Variants in LRRN1 observed in about 807,000 individuals in gnomAD.
The protein encoded by LRRN1 is leucine rich repeat neuronal 1.
A neutral mutation model predicts 45.8 loss-of-function variants in LRRN1; 14 were observed. That is an observed-to-expected ratio of 0.31 (90% CI 0.20 to 0.48). LRRN1 has a LOEUF of 0.48. LRRN1 is among the 20% of genes least tolerant of loss of function. The pLI, the probability that LRRN1 is intolerant of heterozygous loss-of-function variation, is 0.99. For missense variants in LRRN1, 789 were observed against 874.2 expected (o/e 0.90, Z 1.23); for synonymous variants, 359 against 330.1 (o/e 1.09, Z -0.95).
At chr3:3,839,318 G>T (rs1693594791) in intron 1 of LRRN1, among the ~76,000 whole-genome samples, 1 of 152,072 alleles carries the variant, frequency 6.6e-6, no homozygotes. Flanking sequence ...TGTATAGAAG[G>T]CTTTATTTCT....
At chr3:3,818,815 A>G (rs931643200) in intron 1 of LRRN1, among the ~76,000 whole-genome samples, 6 of 152,152 alleles carry the variant, frequency 3.9e-5, no homozygotes, top group Non-Finnish European at 7.4e-5. Flanking sequence ...CTGTCTCCCT[A>G]TCTGTAGGAT....
intron 1 of LRRN1, among the ~76,000 whole-genome samples, chr3:3,843,572 C>CA (rs374658813): frequency 6.6e-5 from 10 of 151,316 alleles, no homozygotes; most frequent in African/African-American, 1.5e-4. Context: ...CCACTGTACC[C>CA]CCCCCCATAC....
chr3:3,802,047 G>A (rs1358433417), intron 1 of LRRN1, among the ~76,000 whole-genome samples: 1 of 152,212 alleles, frequency 6.6e-6, no homozygotes, highest in Non-Finnish European at 1.5e-5. Context: ...AATGTCCACT[G>A]TCTAGCCAAA....
chr3:3,815,690 A>G (rs1008020725), intron 1 of LRRN1, among the ~76,000 whole-genome samples: 4 of 152,194 alleles, frequency 2.6e-5, no homozygotes, highest in African/African-American at 9.6e-5. Context: ...TTTTCAAACC[A>G]TGTCTTCATT....
rs946253601 is a variant in LRRN1 at position 3,816,635 on chromosome 3, T to C, written c.-279+16716T>C. Among the ~76,000 whole-genome samples the C allele has an allele frequency of 2.6e-5, 4 of 152,120 alleles. No individual in the cohort carries two copies. The highest frequency in any genetic ancestry group is 7.2e-5 in the African/African-American group (3 of 41,424). ...ACCACCCTTATTAAAGGCAAAAATATAGGTATTACAATTTGAAACTATAAA... is the reference window on the plus strand; with the variant it reads ...ACCACCCTTATTAAAGGCAAAAATACAGGTATTACAATTTGAAACTATAAA... On this transcript the variant is annotated intron_variant, in intron 1 of 1. Transcript: ENST00000319331. This position sits in a 1 kb window ranked among gnomAD's most constrained non-coding sequence, Gnocchi z 4.0.
Position 3,849,146 on chromosome 3 carries a change from T to G in LRRN1, c.*2354T>G, listed in dbSNP as rs1363269122. On this transcript the variant is annotated 3_prime_UTR_variant, in exon 2 of 2. Coordinates refer to ENST00000319331, the MANE Select transcript of LRRN1 (RefSeq NM_020873.7). ...CCTCAGCAGCCTGCAATTGCAAATC[T>G]GCGAGGTTTCATTCGGCCCATAAAG... Among the ~76,000 whole-genome samples, 2 of 152,192 alleles carry G rather than the reference T, an allele frequency of 1.3e-5. No homozygotes were observed. Among genetic ancestry groups the G allele is most frequent in the Non-Finnish European group, 2.9e-5 (2 of 68,030 alleles).
intron 1 of LRRN1, among the ~76,000 whole-genome samples, chr3:3,828,458 G>T (rs1302641893): frequency 1.3e-5 from 2 of 151,806 alleles, no homozygotes; most frequent in Non-Finnish European, 2.9e-5. Flanking sequence ...CCTTCCCACT[G>T]ACTCAAATGG....
intron 1 of LRRN1, among the ~76,000 whole-genome samples, chr3:3,839,826 TTTTG>T (rs1693608431): frequency 6.6e-6 from 1 of 152,172 alleles, no homozygotes; most frequent in Non-Finnish European, 1.5e-5. Flanking sequence ...TGTGTGTTGA[TTTTG>T]TATCCTGCAA....
intron 1 of LRRN1, among the ~76,000 whole-genome samples, chr3:3,800,229 G>C (rs1388321668): frequency 6.6e-6 from 1 of 151,970 alleles, no homozygotes; most frequent in Non-Finnish European, 1.5e-5. Flanking sequence ...CCGGAGCCGA[G>C]CCTGCTGGAT....
intron 1 of LRRN1, among the ~76,000 whole-genome samples, chr3:3,808,435 TAATA>T (rs1383432676): frequency 1.3e-5 from 2 of 152,224 alleles, no homozygotes; most frequent in Non-Finnish European, 2.9e-5. Flanking sequence ...AGTGTGTATG[TAATA>T]AATATTTGTC....
At chr3:3,840,637 C>CTTAATA (rs1693631465) in intron 1 of LRRN1, among the ~76,000 whole-genome samples, 1 of 152,018 alleles carries the variant, frequency 6.6e-6, no homozygotes, top group Admixed American at 6.6e-5. Context: ...TCCTTGCTGC[C>CTTAATA]AAAGGAATGT....
intron 1 of LRRN1, among the ~76,000 whole-genome samples, chr3:3,821,683 A>G (rs76003656): frequency 0.016 from 2,400 of 152,324 alleles, 62 homozygotes; most frequent in African/African-American, 0.055. Context: ...GGATCACAGA[A>G]CAGGTTTGTC....
intron 1 of LRRN1, among the ~76,000 whole-genome samples, chr3:3,808,599 G>T (rs555394979): frequency 6.6e-4 from 101 of 152,248 alleles, no homozygotes; most frequent in African/African-American, 2.4e-3. Context: ...GGGAAGAGCT[G>T]GTCGGTGGAG....
chr3:3,842,878 C>T (rs2106470656), intron 1 of LRRN1, among the ~76,000 whole-genome samples: 1 of 152,306 alleles, frequency 6.6e-6, no homozygotes, highest in Middle Eastern at 3.4e-3. Flanking sequence ...AATGGAACCA[C>T]TAACTACTAA....
chr3:3,829,453 C>G (rs1693316583), intron 1 of LRRN1, among the ~76,000 whole-genome samples: 1 of 152,160 alleles, frequency 6.6e-6, no homozygotes, highest in Non-Finnish European at 1.5e-5. Context: ...GGCGCCACTT[C>G]CACCTGTTGA....
At chr3:3,810,564 G>A (rs963970164) in intron 1 of LRRN1, among the ~76,000 whole-genome samples, 17 of 152,292 alleles carry the variant, frequency 1.1e-4, no homozygotes, top group Middle Eastern at 3.4e-3. Flanking sequence ...CAGGTATGCT[G>A]GGCATGGTGG....
At chr3:3,819,437 A>C (rs1448290952) in intron 1 of LRRN1, among the ~76,000 whole-genome samples, 2 of 152,218 alleles carry the variant, frequency 1.3e-5, no homozygotes, top group Non-Finnish European at 2.9e-5. Flanking sequence ...CAAGGTGTCA[A>C]CAGGGCCATG....
chr3:3,846,654 A>G lies in LRRN1; in HGVS notation c.2013A>G (p.Lys671=). Residue 671 remains lysine (K), a synonymous_variant, in exon 2 of 2, where the codon AAA becomes AAG. Coordinates refer to ENST00000319331, the MANE Select transcript of LRRN1 (RefSeq NM_020873.7). The surrounding 1 kb of genome is among the most constrained non-coding windows in gnomAD (Gnocchi z 5.7). Reference sequence around the variant, plus strand: ...ACTCATTAAAAAAGTATATGCAAAAAACCTCTTCAATCCCACTAAATGAGC... The same window carrying G: ...ACTCATTAAAAAAGTATATGCAAAAGACCTCTTCAATCCCACTAAATGAGC... ...YHHSLKKYMQ[K]TSSIPLNELY... 6.2e-7 allele frequency: 1 copy of G among 1,613,994 alleles called. No individual in the cohort carries two copies. The highest frequency in any genetic ancestry group is 8.5e-7 in the Non-Finnish European group (1 of 1,179,994).
At chr3:3,812,988 T>G in intron 1 of LRRN1, among the ~76,000 whole-genome samples, 1 of 152,210 alleles carries the variant, frequency 6.6e-6, no homozygotes, top group Admixed American at 6.5e-5. Context: ...TTCATTGTAG[T>G]GAACCTCTCA....
Sources: allele counts gnomAD v4.1 joint callset (sites outside exome capture counted in the v4.1 genomes callset), GRCh38; gene constraint gnomAD v4.1.1; non-coding constraint Gnocchi (gnomAD v3.1); transcripts MANE v1.5; gene names NCBI Gene and HGNC (gene_info 2026-07-23, HGNC 2026-07-21).